ABRAXAS2: variants seen among roughly 807,000 people sequenced by gnomAD.
ABRAXAS2 encodes the protein BRISC complex subunit Abraxas 2.
Under a neutral mutation model 49.0 loss-of-function variants are expected in ABRAXAS2, and 23 were observed. That is an observed-to-expected ratio of 0.47 (90% confidence interval 0.34 to 0.66). The LOEUF (loss-of-function observed/expected upper bound fraction) is 0.66. Ranked by LOEUF, ABRAXAS2 falls within the 30% of genes least tolerant of loss-of-function variation. The probability of loss-of-function intolerance (pLI) is 0.01; values close to 1 mark genes in which losing one functional copy is unlikely to be tolerated. For missense variants in ABRAXAS2, 443 were observed against 511.9 expected (o/e 0.87, Z 1.30); for synonymous variants, 168 against 180.2 (o/e 0.93, Z 0.54).
intron 1 of ABRAXAS2, among the ~76,000 whole-genome samples, chr10:124,806,203 G>A (rs2134157566): frequency 6.6e-6 from 1 of 152,092 alleles, no homozygotes; most frequent in East Asian, 1.9e-4. Context: ...CTACTCAGGA[G>A]GCTGAGACAG....
At chr10:124,834,384 A>G in intron 8 of ABRAXAS2, 118 bp from the exon 9 acceptor site, 1 of 729,676 alleles carries the variant, frequency 1.4e-6, no homozygotes, top group South Asian at 1.9e-5. Flanking sequence ...TAATAGTGAC[A>G]GTCAGCTTCA....
At chr10:124,811,761 CATA>C (rs1203070256) in intron 2 of ABRAXAS2, among the ~76,000 whole-genome samples, 1 of 151,992 alleles carries the variant, frequency 6.6e-6, no homozygotes, top group Non-Finnish European at 1.5e-5. Context: ...CATAATAAAA[CATA>C]ATTAATTTTG....
At chr10:124,824,149 G>C (rs983042863) in intron 4 of ABRAXAS2, among the ~76,000 whole-genome samples, 20 of 152,142 alleles carry the variant, frequency 1.3e-4, no homozygotes, top group African/African-American at 4.3e-4. Flanking sequence ...TGATCCTCCT[G>C]CCTTGGCCTC....
In ABRAXAS2 at chr10:124,836,071, C is replaced by T. The variant is rs1404541785; in HGVS notation, c.*1100C>T. On this transcript the variant is annotated 3_prime_UTR_variant, in exon 9 of 9. Coordinates refer to ENST00000298492, the MANE Select transcript of ABRAXAS2 (RefSeq NM_032182.4). ...TGTTTTCTAGTTTTGCCCACAACGT[C>T]TGAAACCACTAAGACATTCAGGAGC... The T allele has an allele frequency of 2.6e-5, 4 of 152,540 alleles. No individual in the cohort carries two copies. Among genetic ancestry groups the T allele is most frequent in the African/African-American group, 9.7e-5 (4 of 41,404 alleles). The allele number at this position is 152,540 out of a possible 1,614,324, so 9.4% of individuals were successfully genotyped here. A position where few individuals can be genotyped will look rare whatever the true frequency, so the allele number is the denominator to read the frequency against.
At chr10:124,826,857 T>A in intron 5 of ABRAXAS2, 72 bp downstream of exon 5, 1 of 1,418,738 alleles carries the variant, frequency 7.0e-7, no homozygotes. Context: ...CTTACGCCTG[T>A]AATCCCAGCA....
chr10:124,823,097 T>C (rs1347190414), intron 4 of ABRAXAS2, among the ~76,000 whole-genome samples: 1 of 152,192 alleles, frequency 6.6e-6, no homozygotes, highest in East Asian at 1.9e-4. Flanking sequence ...TTCCTTGATA[T>C]TTGTTGAGAG....
chr10:124,825,419 A>G (rs1467841637), intron 4 of ABRAXAS2, among the ~76,000 whole-genome samples: 4 of 151,656 alleles, frequency 2.6e-5, no homozygotes, highest in East Asian at 3.9e-4. Context: ...ATGGGAAGAT[A>G]TGTTTTATGT....
intron 5 of ABRAXAS2, 61 bp from the exon 6 acceptor site, chr10:124,828,695 G>A (rs2134171661): frequency 3.3e-6 from 5 of 1,494,244 alleles, no homozygotes; most frequent in Non-Finnish European, 4.6e-6. Context: ...TAGACTGTCA[G>A]TCTCACTTGA....
intron 2 of ABRAXAS2, among the ~76,000 whole-genome samples, chr10:124,811,253 G>A (rs929032286): frequency 6.6e-5 from 10 of 151,992 alleles, no homozygotes; most frequent in African/African-American, 2.2e-4. Flanking sequence ...ACAGAATTTT[G>A]TTTCATAGAA....
chr10:124,832,186 GAGGA>G, intron 8 of ABRAXAS2, among the ~76,000 whole-genome samples: 1 of 151,938 alleles, frequency 6.6e-6, no homozygotes, highest in South Asian at 2.1e-4. Context: ...TAGCCTCATA[GAGGA>G]GCTACCAAAT....
chr10:124,806,787 A>G (rs752442701), intron 1 of ABRAXAS2, 44 bp from the exon 2 acceptor site: 15 of 1,302,080 alleles, frequency 1.2e-5, no homozygotes, highest in Non-Finnish European at 1.5e-5. Flanking sequence ...AGTAAAAGTC[A>G]TTTTTATTTT....
Position 124,836,373 on chromosome 10 carries a change from C to CCA in ABRAXAS2, c.*1402_*1403insCA, listed in dbSNP as rs1229900981. On this transcript the variant is annotated 3_prime_UTR_variant, in exon 9 of 9. Coordinates refer to ENST00000298492, the MANE Select transcript of ABRAXAS2 (RefSeq NM_032182.4). ...AACTGCCGTTCTTTGGATCGCCACTCTATGGGGGTCTGTCTTTTAACTACT... is the reference window on the plus strand; with the variant it reads ...AACTGCCGTTCTTTGGATCGCCACTCCATATGGGGGTCTGTCTTTTAACTACT... 2 of 152,178 alleles carry CCA rather than the reference C, an allele frequency of 1.3e-5. No individual in the cohort carries two copies. Among genetic ancestry groups the CCA allele is most frequent in the Non-Finnish European group, 2.9e-5 (2 of 68,040 alleles). The allele number at this position is 152,178 out of a possible 1,614,324, so 9.4% of individuals were successfully genotyped here. A position where few individuals can be genotyped will look rare whatever the true frequency, so the allele number is the denominator to read the frequency against.
At chr10:124,834,462 G>A (rs888550698) in intron 8 of ABRAXAS2, 40 bp from the exon 9 acceptor site, 3 of 1,542,526 alleles carry the variant, frequency 1.9e-6, no homozygotes, top group Admixed American at 1.8e-5. Flanking sequence ...AAAGCTGTGA[G>A]AATCTAGAAA....
chr10:124,809,670 G>A (rs567735141), intron 2 of ABRAXAS2, among the ~76,000 whole-genome samples: 3 of 152,218 alleles, frequency 2.0e-5, no homozygotes, highest in South Asian at 2.1e-4. Context: ...TCCAACCCAC[G>A]GCCTGTAGGG....
intron 3 of ABRAXAS2, among the ~76,000 whole-genome samples, chr10:124,819,098 T>G (rs1338734815): frequency 6.6e-6 from 1 of 152,172 alleles, no homozygotes; most frequent in African/African-American, 2.4e-5. Context: ...CAAAGAAAAA[T>G]GTCACAGCCA....
At chr10:124,821,323 T>C (rs949203217) in intron 4 of ABRAXAS2, among the ~76,000 whole-genome samples, 1 of 151,910 alleles carries the variant, frequency 6.6e-6, no homozygotes, top group Non-Finnish European at 1.5e-5. Context: ...TCCCAGCACT[T>C]GGGGAGGCGG....
At chr10:124,805,605 G>C in intron 1 of ABRAXAS2, among the ~76,000 whole-genome samples, 1 of 152,136 alleles carries the variant, frequency 6.6e-6, no homozygotes, top group East Asian at 1.9e-4. Flanking sequence ...TTTACATTCT[G>C]GCAAGGGATA....
chr10:124,821,555 G>A (rs956216660), intron 4 of ABRAXAS2, among the ~76,000 whole-genome samples: 5 of 151,770 alleles, frequency 3.3e-5, no homozygotes, highest in East Asian at 1.9e-4. Flanking sequence ...GTGACAGAGC[G>A]AGACCCTGCC....
intron 3 of ABRAXAS2, among the ~76,000 whole-genome samples, chr10:124,816,841 C>T (rs543313515): frequency 5.9e-5 from 9 of 152,232 alleles, no homozygotes; most frequent in Non-Finnish European, 1.3e-4. Flanking sequence ...CTCAGCCTAT[C>T]AAGGGCTCTT....
Sources: gnomAD v4.1 joint callset for allele counts (sites outside exome capture counted in the v4.1 genomes callset) on GRCh38, gnomAD v4.1.1 for gene constraint, MANE v1.5 for transcripts, NCBI Gene and HGNC (gene_info 2026-07-23, HGNC 2026-07-21) for gene names.